The following PXYLP1 variants were observed in gnomAD, a reference collection of about 807,000 sequenced individuals.
PXYLP1 encodes the protein acid phosphatase-like 2.
In PXYLP1, 17 loss-of-function variants were observed where a neutral mutation model predicts 37.9. The observed-to-expected ratio is 0.45, with a 90% CI of 0.31 to 0.67. The LOEUF is 0.67. PXYLP1 is among the 30% of genes least tolerant of loss of function. The pLI is 0.07. For synonymous variants in PXYLP1, 221 were observed against 232.2 expected, an observed-to-expected ratio of 0.95 and a Z score of 0.44; for missense variants, 511 against 612.0, an observed-to-expected ratio of 0.84 and a Z score of 1.74.
intron 1 of PXYLP1, among the ~76,000 whole-genome samples, chr3:141,239,319 T>C (rs185804432): frequency 1.3e-5 from 2 of 152,334 alleles, no homozygotes; most frequent in African/African-American, 4.8e-5. Context: ...AAATCAAAGC[T>C]TGGGCATTTA....
chr3:141,240,301 G>A (rs889442848), intron 1 of PXYLP1, among the ~76,000 whole-genome samples: 5 of 152,202 alleles, frequency 3.3e-5, no homozygotes, highest in Admixed American at 2.6e-4. Context: ...AACAAAGTAT[G>A]TTTAATGGTT....
rs576905105 is a variant in PXYLP1 at position 141,294,104 on chromosome 3, A to AT, written c.*902dup. The AT allele has an allele frequency of 2.0e-5, 3 of 152,200 alleles. No individual in the cohort carries two copies. The highest frequency in any genetic ancestry group is 4.8e-5 in the African/African-American group (2 of 41,454). 9.4% of individuals were successfully genotyped at this position (152,200 alleles called of 1,614,324 possible). A position where few individuals can be genotyped will look rare whatever the true frequency, so the allele number is the denominator to read the frequency against. On this transcript the variant is annotated 3_prime_UTR_variant, in exon 6 of 6. Coordinates refer to ENST00000286353, the MANE Select transcript of PXYLP1 (RefSeq NM_001037172.3). ...AGATAGTTTTAAGTATGTTCTAAAT[A>AT]TTTGTCTGCTGTAGTCTATTTGCTG...
rs542592726 is a variant in PXYLP1, at chr3:141,288,426, A to T, written c.505+973A>T. 2.3e-3 allele frequency among the ~76,000 whole-genome samples: 349 copies of T among 152,332 alleles called. 1 individual carries two copies. Among genetic ancestry groups the T allele is most frequent in the African/African-American group, 8.1e-3 (338 of 41,574 alleles). On this transcript the variant is annotated intron_variant, in intron 5 of 5. Transcript: ENST00000286353. ...TGGATAGACAGAGTGGAACAAGCTG[A>T]AGCCTCTGGAGGACTAGCCGTGGAT...
chr3:141,280,688 C>T (rs1941931739), intron 4 of PXYLP1, among the ~76,000 whole-genome samples: 1 of 152,252 alleles, frequency 6.6e-6, no homozygotes, highest in Admixed American at 6.5e-5. Context: ...AGGCTGCTGA[C>T]TCCCCCAGGA....
At chr3:141,240,724 G>T (rs1940776722) in intron 1 of PXYLP1, among the ~76,000 whole-genome samples, 1 of 152,174 alleles carries the variant, frequency 6.6e-6, no homozygotes. Flanking sequence ...GCTAGTGGGG[G>T]TGTTTTCTTT....
In PXYLP1 at chr3:141,269,474, C is replaced by T. The variant is rs188020192; in HGVS notation, c.80-8868C>T. 3.9e-5 allele frequency among the ~76,000 whole-genome samples: 6 copies of T among 152,102 alleles called. No individual in the cohort carries two copies. In the East Asian group the frequency reaches 9.6e-4, roughly 24 times the overall value. ...TGATGAACTCATGTTTTTTATGACC[C>T]CTTTTTATTTTGAAAAAAGAAAATC... On this transcript the variant is annotated intron_variant, in intron 2 of 5. Transcript: ENST00000286353.
chr3:141,238,161 C>CAG (rs1940704438), intron 1 of PXYLP1, among the ~76,000 whole-genome samples: 1 of 152,182 alleles, frequency 6.6e-6, no homozygotes, highest in Non-Finnish European at 1.5e-5. Flanking sequence ...GGGGACTAGC[C>CAG]AGAGGCAGGA....
In PXYLP1 at chr3:141,278,476, A is replaced by C; in HGVS notation, c.214A>C (p.Ser72Arg). ...YEALLYCNIPSVAERSMEGHA... is the reference protein window; with the variant it reads ...YEALLYCNIPRVAERSMEGHA... ...AGCTCTTTTGTACTGCAACATCCCC[A>C]GCGTGGCCGAGCGCAGCATGGAAGG... Residue 72 changes from serine (S) to arginine (R), a missense_variant, in exon 3 of 6, where the codon AGC becomes CGC. Physicochemically the swap from Ser to Arg is moderately radical, Grantham distance 110. Coordinates refer to ENST00000286353, the MANE Select transcript of PXYLP1 (RefSeq NM_001037172.3). The C allele has an allele frequency of 6.2e-7, 1 of 1,614,192 alleles. No homozygotes were observed. Among genetic ancestry groups the C allele is most frequent in the East Asian group, 2.2e-5 (1 of 44,882 alleles).
At chr3:141,270,326 G>GACTTTTA (rs1941630119) in intron 2 of PXYLP1, among the ~76,000 whole-genome samples, 1 of 152,228 alleles carries the variant, frequency 6.6e-6, no homozygotes, top group African/African-American at 2.4e-5. Context: ...ATGTGGGCTT[G>GACTTTTA]ACTTTTCCCA....
intron 1 of PXYLP1, among the ~76,000 whole-genome samples, chr3:141,247,652 A>T (rs755216827): frequency 2.6e-5 from 4 of 152,226 alleles, no homozygotes; most frequent in Non-Finnish European, 5.9e-5. Flanking sequence ...ATTTCCTATA[A>T]CACACAACAG....
At chr3:141,264,400 A>G (rs1391124310) in intron 2 of PXYLP1, among the ~76,000 whole-genome samples, 1 of 152,212 alleles carries the variant, frequency 6.6e-6, no homozygotes, top group Non-Finnish European at 1.5e-5. Context: ...AGAGTAAAGT[A>G]TTGGACAGGT....
chr3:141,273,567 A>T (rs544062645), intron 2 of PXYLP1: 1 of 985,302 alleles, frequency 1.0e-6, no homozygotes. Flanking sequence ...TTTACTCATG[A>T]TTCTAAGAAA....
At chr3:141,273,121 C>T (rs1055915965) in intron 2 of PXYLP1, 17 of 985,368 alleles carry the variant, frequency 1.7e-5, no homozygotes, top group Non-Finnish European at 2.0e-5. Context: ...CATGTGCTTT[C>T]TCCCCACCTT....
intron 2 of PXYLP1, among the ~76,000 whole-genome samples, chr3:141,269,907 G>T (rs1358695312): frequency 6.6e-6 from 1 of 152,260 alleles, no homozygotes; most frequent in East Asian, 1.9e-4. Context: ...GGGGTTTCCT[G>T]ACTCCTCTGA....
In PXYLP1 at chr3:141,268,168, GGAGA is replaced by G. The variant is rs142785821; in HGVS notation, c.79+7950_79+7953del. On this transcript the variant is annotated intron_variant, in intron 2 of 5. Coordinates refer to ENST00000286353, the MANE Select transcript of PXYLP1 (RefSeq NM_001037172.3). ...GTACCTTTATATGCGGGTGGGTGGG[GGAGA>G]GAGAGAGAGAGAGAGAGAGAGAGAG... Among the ~76,000 whole-genome samples, 866 of 129,644 alleles carry G rather than the reference GGAGA, an allele frequency of 6.7e-3. 23 individuals are homozygous for G. The highest frequency in any genetic ancestry group is 0.036 in the Admixed American group (453 of 12,548). 85.1% of individuals were successfully genotyped at this position (129,644 alleles called of 152,430 possible). A position where few individuals can be genotyped will look rare whatever the true frequency, so the allele number is the denominator to read the frequency against.
rs371674451 is a variant in PXYLP1 at position 141,272,473 on chromosome 3, C to T, written c.80-5869C>T. Among the ~76,000 whole-genome samples, 217 of 139,148 alleles carry T rather than the reference C, an allele frequency of 1.6e-3. 1 individual carries two copies. The highest frequency in any genetic ancestry group is 5.7e-3 in the African/African-American group (180 of 31,468). 91.3% of individuals were successfully genotyped at this position (139,148 alleles called of 152,430 possible). A position where few individuals can be genotyped will look rare whatever the true frequency, so the allele number is the denominator to read the frequency against. ...TCTCTCTAAACAAGTTTCTAGTGTT[C>T]GCTACTAACCCAAGTCTAGTTGATT... On this transcript the variant is annotated intron_variant, in intron 2 of 5. Coordinates refer to ENST00000286353, the MANE Select transcript of PXYLP1 (RefSeq NM_001037172.3).
At chr3:141,279,623 G>A in intron 4 of PXYLP1, 119 bp downstream of exon 4, 1 of 1,269,872 alleles carries the variant, frequency 7.9e-7, no homozygotes, top group African/African-American at 1.5e-5. Flanking sequence ...GCTCAGAGCA[G>A]TCCTACATGT....
At chr3:141,257,892 G>A (rs961894655) in intron 1 of PXYLP1, among the ~76,000 whole-genome samples, 66 of 105,934 alleles carry the variant, frequency 6.2e-4, no homozygotes, top group Admixed American at 2.6e-3. Flanking sequence ...CTACAAGAGC[G>A]AAACTCTGTC....
At chr3:141,284,999 C>T (rs1942037428) in intron 4 of PXYLP1, among the ~76,000 whole-genome samples, 1 of 152,146 alleles carries the variant, frequency 6.6e-6, no homozygotes, top group Admixed American at 6.5e-5. Context: ...GCTAAGCACC[C>T]TCTGGGCTCC....
Sources: allele counts gnomAD v4.1 joint callset (sites outside exome capture counted in the v4.1 genomes callset), GRCh38; gene constraint gnomAD v4.1.1; transcripts MANE v1.5; gene names NCBI Gene and HGNC (gene_info 2026-07-23, HGNC 2026-07-21).